The following MLLT10 variants were observed in gnomAD, a reference collection of about 807,000 sequenced individuals.
MLLT10 encodes MLLT10 histone lysine methyltransferase DOT1L cofactor, also known as protein AF-10.
MLLT10 carries 30 observed loss-of-function variants against 129.1 expected under a neutral mutation model. The ratio of observed to expected loss-of-function variants is 0.23; its 90% CI spans 0.17 to 0.32. The LOEUF (loss-of-function observed/expected upper bound fraction) is 0.32. Among genes scored for constraint, MLLT10 ranks in the 10% least tolerant of loss-of-function variants. MLLT10 has a pLI of 1.00. For missense variants in MLLT10, 1,119 were observed against 1,268.3 expected (o/e 0.88, Z 1.79); for synonymous variants, 490 against 446.4 (o/e 1.10, Z -1.23).
chr10:21,712,649 A>T (rs2056207899), intron 13 of MLLT10, among the ~76,000 whole-genome samples: 1 of 152,008 alleles, frequency 6.6e-6, no homozygotes, highest in Admixed American at 6.6e-5. Flanking sequence ...CGGCCTCCAC[A>T]CTATTAACAC....
chr10:21,666,789 G>A (rs968165109), intron 9 of MLLT10, among the ~76,000 whole-genome samples: 3 of 151,964 alleles, frequency 2.0e-5, no homozygotes, highest in African/African-American at 4.8e-5. Context: ...AGTCAACTGC[G>A]GTCTGAAAAA....
At chr10:21,654,212 G>A (rs2049331151) in intron 9 of MLLT10, among the ~76,000 whole-genome samples, 1 of 152,220 alleles carries the variant, frequency 6.6e-6, no homozygotes, top group Non-Finnish European at 1.5e-5. Context: ...CAGACAGTGT[G>A]TGTAAATGAG....
At chr10:21,591,810 ACCTCCCAGGTTCAAGCAGTCCTG>A (rs1470660088) in intron 4 of MLLT10, among the ~76,000 whole-genome samples, 1 of 150,292 alleles carries the variant, frequency 6.7e-6, no homozygotes, top group Non-Finnish European at 1.5e-5. Context: ...TGCAACCTCT[ACCTCCCAGGTTCAAGCAGTCCTG>A]CCTCAGCCTC....
chr10:21,673,210 C>T, intron 10 of MLLT10, 140 bp from the exon 11 acceptor site: 1 of 502,358 alleles, frequency 2.0e-6, no homozygotes, highest in South Asian at 4.4e-5. Context: ...TACGAATGTC[C>T]TAAGTGTTGT....
At chr10:21,626,057 G>A in intron 8 of MLLT10, 2 of 1,450,978 alleles carry the variant, frequency 1.4e-6, no homozygotes, top group Non-Finnish European at 1.9e-6. Context: ...CTCAAGCAAG[G>A]CCTTGATCTT....
chr10:21,717,840 T>TCTCCTC, intron 14 of MLLT10, among the ~76,000 whole-genome samples: 2 of 102,368 alleles, frequency 2.0e-5, no homozygotes, highest in Non-Finnish European at 4.1e-5. Context: ...TCCTCCTCCT[T>TCTCCTC]CTCCTCCTCC....
At chr10:21,652,837 G>C (rs1394667135) in intron 9 of MLLT10, among the ~76,000 whole-genome samples, 1 of 152,220 alleles carries the variant, frequency 6.6e-6, no homozygotes, top group African/African-American at 2.4e-5. Flanking sequence ...CGTCCAGAGA[G>C]AGATGGTGGT....
intron 13 of MLLT10, among the ~76,000 whole-genome samples, chr10:21,702,880 C>T (rs1478293814): frequency 6.6e-6 from 1 of 151,962 alleles, no homozygotes; most frequent in Non-Finnish European, 1.5e-5. Context: ...ATTCATTCAC[C>T]TAGTTGATAT....
Position 21,742,060 on chromosome 10 carries a change from A to G in MLLT10, c.*77A>G. 7.5e-7 allele frequency: 1 copy of G among 1,331,226 alleles called. No homozygotes were observed. Among genetic ancestry groups the G allele is most frequent in the Non-Finnish European group, 1.1e-6 (1 of 934,586 alleles). The allele number at this position is 1,331,226 out of a possible 1,614,324, so 82.5% of individuals were successfully genotyped here. ...TGGCTGCCTTTGCAGTCCTTTTACT[A>G]CAGCTATGAAGAAACGCAACAAGAA... On this transcript the variant is annotated 3_prime_UTR_variant, in exon 23 of 23. Coordinates refer to ENST00000307729, the MANE Select transcript of MLLT10 (RefSeq NM_001195626.3).
In MLLT10 at chr10:21,608,052, C is replaced by CCATT. The variant is rs543758587; in HGVS notation, c.406-4295_406-4292dup. Among the ~76,000 whole-genome samples the CCATT allele has an allele frequency of 9.0e-5, 13 of 145,224 alleles. No individual in the cohort carries two copies. The East Asian group carries it at 2.6e-3, about 29-fold the overall frequency. On this transcript the variant is annotated intron_variant, in intron 5 of 22. Transcript: ENST00000307729. ...TTTTTGGTATTTTGAATATGTTATT[C>CCATT]CATTGCCTTCCGGCCTCCATAGTTC...
At chr10:21,685,459 C>T (rs978611511) in intron 13 of MLLT10, among the ~76,000 whole-genome samples, 2 of 152,040 alleles carry the variant, frequency 1.3e-5, no homozygotes, top group Non-Finnish European at 2.9e-5. Flanking sequence ...CTCAGCCTCC[C>T]GAGTAGCTGG....
chr10:21,540,336 G>A (rs2034917680), intron 3 of MLLT10, among the ~76,000 whole-genome samples: 1 of 151,756 alleles, frequency 6.6e-6, no homozygotes, highest in African/African-American at 2.4e-5. Context: ...GTTGCAGTGA[G>A]CCAAGATTGT....
chr10:21,645,752 G>A (rs1258093875), intron 8 of MLLT10, among the ~76,000 whole-genome samples: 1 of 152,120 alleles, frequency 6.6e-6, no homozygotes, highest in Non-Finnish European at 1.5e-5. Context: ...GATTACATAC[G>A]TACTCTTCAA....
At chr10:21,645,934 G>C (rs2048427535) in intron 8 of MLLT10, among the ~76,000 whole-genome samples, 1 of 152,194 alleles carries the variant, frequency 6.6e-6, no homozygotes, top group South Asian at 2.1e-4. Context: ...GCTGGGTGTG[G>C]TGGCTCACAC....
intron 9 of MLLT10, among the ~76,000 whole-genome samples, chr10:21,654,488 G>T (rs1042660018): frequency 6.6e-6 from 1 of 152,142 alleles, no homozygotes; most frequent in Non-Finnish European, 1.5e-5. Flanking sequence ...GCTTTTAGTT[G>T]TGACGATTTG....
intron 3 of MLLT10, chr10:21,551,800 CTTT>C (rs747938797): frequency 2.2e-4 from 75 of 346,478 alleles, no homozygotes; most frequent in East Asian, 6.1e-4. Context: ...GTCTCTCTCT[CTTT>C]TTTTTTTTTT....
intron 13 of MLLT10, among the ~76,000 whole-genome samples, chr10:21,683,859 C>G (rs1344915872): frequency 6.6e-6 from 1 of 151,604 alleles, no homozygotes; most frequent in East Asian, 1.9e-4. Flanking sequence ...CAGGTGGACT[C>G]CTAAAGTGTT....
intron 9 of MLLT10, among the ~76,000 whole-genome samples, chr10:21,654,508 A>G (rs572925018): frequency 1.3e-5 from 2 of 152,180 alleles, no homozygotes; most frequent in Non-Finnish European, 2.9e-5. Context: ...GAGGAGTATT[A>G]GAGATTTGAG....
At chr10:21,704,347 CTCTCTCTCTCTATATA>C (rs1232509376) in intron 13 of MLLT10, among the ~76,000 whole-genome samples, 49 of 60,698 alleles carry the variant, frequency 8.1e-4, no homozygotes, top group African/African-American at 2.9e-4. Flanking sequence ...CTCTCTCTCT[CTCTCTCTCTCTATATA>C]TATATATATA....
Sources: allele counts gnomAD v4.1 joint callset (sites outside exome capture counted in the v4.1 genomes callset), GRCh38; gene constraint gnomAD v4.1.1; transcripts MANE v1.5; gene names NCBI Gene and HGNC (gene_info 2026-07-23, HGNC 2026-07-21).